The following NNMT variants were observed in gnomAD, a reference collection of about 807,000 sequenced individuals.
The protein encoded by NNMT is nicotinamide N-methyltransferase.
A neutral mutation model predicts 11.7 loss-of-function variants in NNMT; 10 were observed. The observed-to-expected ratio is 0.85, with a 90% confidence interval of 0.53 to 1.45. NNMT has a LOEUF of 1.45. Among genes scored for constraint, NNMT ranks in the 40% most tolerant of loss-of-function variants. The pLI is 0.00. For synonymous variants in NNMT, 143 were observed against 133.8 expected, an observed-to-expected ratio of 1.07 and a Z score of -0.48; for missense variants, 381 against 319.4, an observed-to-expected ratio of 1.19 and a Z score of -1.47.
At chr11:114,294,276 A>G (rs548901791), upstream of NNMT, among the ~76,000 whole-genome samples, 13 of 152,158 alleles carry the variant, frequency 8.5e-5, no homozygotes, top group Admixed American at 3.9e-4. Flanking sequence ...TGAGGAGTTC[A>G]AGACCAGCCT....
chr11:114,303,477 T>C (rs1033898795), intron 2 of NNMT, among the ~76,000 whole-genome samples: 1 of 152,214 alleles, frequency 6.6e-6, no homozygotes, highest in Admixed American at 6.5e-5. Flanking sequence ...TTTAGAATTA[T>C]TTGGACATAT....
intron 1 of NNMT, chr11:114,262,841 C>T (rs1047971531): frequency 1.3e-5 from 2 of 152,194 alleles, no homozygotes; most frequent in African/African-American, 4.8e-5. Context: ...CCCTCCACGC[C>T]GACCAGTGTG....
chr11:114,259,679 CA>C (rs1056772590), intron 1 of NNMT, among the ~76,000 whole-genome samples: 5 of 147,964 alleles, frequency 3.4e-5, no homozygotes, highest in Admixed American at 2.0e-4. Flanking sequence ...TTTCTGCACC[CA>C]GGGGGTGCCT....
rs12273814 is a variant in NNMT at position 114,261,366 on chromosome 11, G to A, written c.-216-1482G>A. 3.6e-3 allele frequency among the ~76,000 whole-genome samples: 548 copies of A among 152,338 alleles called. 6 individuals are homozygous for A. Among genetic ancestry groups the A allele is most frequent in the African/African-American group, 0.013 (529 of 41,584 alleles). On this transcript the variant is annotated intron_variant, in intron 1 of 4. Coordinates refer to the NNMT transcript ENST00000535401. ...GGAGGCCGAGGCGGGTGGATCACCTGAAGTCGGGAGTTTGAGACCAGCCTG... is the reference window on the plus strand; with the variant it reads ...GGAGGCCGAGGCGGGTGGATCACCTAAAGTCGGGAGTTTGAGACCAGCCTG...
In NNMT at chr11:114,296,460, C is replaced by T; in HGVS notation, c.-97C>T. The T allele has an allele frequency of 1.5e-6, 2 of 1,316,490 alleles. No homozygotes were observed. The highest frequency in any genetic ancestry group is 1.1e-6 in the Non-Finnish European group (1 of 949,832). 81.6% of individuals were successfully genotyped at this position (1,316,490 alleles called of 1,614,324 possible). On this transcript the variant is annotated 5_prime_UTR_variant, in exon 1 of 3. Transcript: ENST00000299964. ...GAACTGATGGAAGGAATGCTGTTAG[C>T]CTGAGACTCAGGAAGACAACTTCTG...
chr11:114,272,911 C>T (rs751188133), intron 2 of NNMT, among the ~76,000 whole-genome samples: 1 of 152,184 alleles, frequency 6.6e-6, no homozygotes, highest in Non-Finnish European at 1.5e-5. Context: ...CCTGCCTCAA[C>T]CTACCTGCCA....
In NNMT at chr11:114,296,409, C is replaced by A; in HGVS notation, c.-148C>A. 1.4e-6 allele frequency: 1 copy of A among 714,062 alleles called. No individual in the cohort carries two copies. 44.2% of individuals were successfully genotyped at this position (714,062 alleles called of 1,614,324 possible). ...GTCTATTTCTCTGTTAGTGTTTAACCAACCATCTGTTCTAAAAGAAGGGCT... is the reference window on the plus strand; with the variant it reads ...GTCTATTTCTCTGTTAGTGTTTAACAAACCATCTGTTCTAAAAGAAGGGCT... On this transcript the variant is annotated 5_prime_UTR_variant, in exon 1 of 3. Transcript: ENST00000299964.
At chr11:114,267,663 T>C (rs1000988499) in intron 2 of NNMT, among the ~76,000 whole-genome samples, 1 of 152,222 alleles carries the variant, frequency 6.6e-6, no homozygotes, top group African/African-American at 2.4e-5. Context: ...CTTCACCTAT[T>C]CTTCTGTCTT....
chr11:114,277,415 A>G (rs1945222198), intron 2 of NNMT, among the ~76,000 whole-genome samples: 1 of 152,208 alleles, frequency 6.6e-6, no homozygotes, highest in South Asian at 2.1e-4. Flanking sequence ...GGTTCTAAAG[A>G]GAGCTGGATA....
chr11:114,291,168 T>C (rs1262197398), intron 2 of NNMT, among the ~76,000 whole-genome samples: 1 of 152,232 alleles, frequency 6.6e-6, no homozygotes, highest in Non-Finnish European at 1.5e-5. Context: ...AAATACTACC[T>C]ATTTTGGATT....
At chr11:114,294,460 A>G (rs1457431911), upstream of NNMT, among the ~76,000 whole-genome samples, 1 of 136,892 alleles carries the variant, frequency 7.3e-6, no homozygotes, top group Non-Finnish European at 1.6e-5. Context: ...CCTGGGTGAC[A>G]GAGTGAGACT....
At chr11:114,259,928 C>G (rs998473103) in intron 1 of NNMT, among the ~76,000 whole-genome samples, 1 of 152,144 alleles carries the variant, frequency 6.6e-6, no homozygotes, top group Non-Finnish European at 1.5e-5. Flanking sequence ...AGAGATGCAG[C>G]CTGGCACAAG....
upstream of NNMT, among the ~76,000 whole-genome samples, chr11:114,292,657 G>T (rs543475010): frequency 1.4e-4 from 21 of 152,086 alleles, no homozygotes; most frequent in Admixed American, 5.9e-4. Flanking sequence ...TCCCTTATAT[G>T]TGCATTTATT....
intron 2 of NNMT, among the ~76,000 whole-genome samples, chr11:114,309,578 CATCT>C (rs1945529327): frequency 1.2e-5 from 1 of 80,872 alleles, no homozygotes; most frequent in African/African-American, 2.9e-5. Context: ...TTGCTAAGCT[CATCT>C]CTCTCTCTCT....
intron 1 of NNMT, among the ~76,000 whole-genome samples, chr11:114,296,990 G>C (rs1945387201): frequency 6.6e-6 from 1 of 152,162 alleles, no homozygotes. Flanking sequence ...GAGACTTTTA[G>C]CCTCAAAGGG....
At chr11:114,262,239 T>A (rs1410378545) in intron 1 of NNMT, among the ~76,000 whole-genome samples, 2 of 152,212 alleles carry the variant, frequency 1.3e-5, no homozygotes. Flanking sequence ...ATGTGCCGGA[T>A]GTGCAGGTTT....
At chr11:114,292,420 G>A (rs539363042), upstream of NNMT, among the ~76,000 whole-genome samples, 1 of 152,250 alleles carries the variant, frequency 6.6e-6, no homozygotes, top group East Asian at 1.9e-4. Context: ...AGCACCTCTG[G>A]AGTCTAGAGT....
intron 2 of NNMT, among the ~76,000 whole-genome samples, chr11:114,288,908 T>C (rs924933651): frequency 2.0e-5 from 3 of 152,208 alleles, no homozygotes; most frequent in Non-Finnish European, 4.4e-5. Flanking sequence ...TTCTCATAAG[T>C]AACCTTGATA....
At chr11:114,272,216 T>C (rs1945174948) in intron 2 of NNMT, among the ~76,000 whole-genome samples, 1 of 152,098 alleles carries the variant, frequency 6.6e-6, no homozygotes, top group Non-Finnish European at 1.5e-5. Flanking sequence ...TTTGGGTGGA[T>C]TGTGAGCCCA....
Sources: allele counts gnomAD v4.1 joint callset (sites outside exome capture counted in the v4.1 genomes callset), GRCh38; gene constraint gnomAD v4.1.1; transcripts MANE v1.5; gene names NCBI Gene and HGNC (gene_info 2026-07-23, HGNC 2026-07-21).